Variants in MACROD2 observed in about 807,000 individuals in gnomAD.
The protein encoded by MACROD2 is ADP-ribose glycohydrolase MACROD2.
MACROD2 carries 36 observed loss-of-function variants against 70.4 expected under a neutral mutation model. The observed-to-expected ratio is 0.51, with a 90% CI of 0.39 to 0.68. The LOEUF is 0.68. Ranked by LOEUF, MACROD2 falls within the 30% of genes least tolerant of loss-of-function variation. The probability of loss-of-function intolerance (pLI) is 0.00; values close to 1 mark genes in which losing one functional copy is unlikely to be tolerated. For missense variants in MACROD2, 496 were observed against 538.4 expected (o/e 0.92, Z 0.78); for synonymous variants, 172 against 178.8 (o/e 0.96, Z 0.30).
intron 8 of MACROD2, among the ~76,000 whole-genome samples, chr20:15,748,445 C>T (rs1224455366): frequency 6.6e-6 from 1 of 151,564 alleles, no homozygotes; most frequent in Non-Finnish European, 1.5e-5. Context: ...CCACAGAAAA[C>T]TTCTCTATTA....
At chr20:15,484,714 G>A (rs1003365360) in intron 7 of MACROD2, among the ~76,000 whole-genome samples, 1 of 152,126 alleles carries the variant, frequency 6.6e-6, no homozygotes, top group Non-Finnish European at 1.5e-5. Flanking sequence ...TGAGAACCTG[G>A]TCCAGCTCCT....
At chr20:16,033,337 C>T (rs1161453227) in intron 15 of MACROD2, among the ~76,000 whole-genome samples, 15 of 152,042 alleles carry the variant, frequency 9.9e-5, no homozygotes, top group Non-Finnish European at 4.4e-5. Flanking sequence ...AGTGCTTTCT[C>T]CTCTGAGATT....
chr20:15,724,435 G>T (rs2050832070), intron 8 of MACROD2, among the ~76,000 whole-genome samples: 2 of 151,722 alleles, frequency 1.3e-5, no homozygotes, highest in South Asian at 4.2e-4. Context: ...TCCATTTGGA[G>T]TAAATTTTTG....
At chr20:14,862,788 C>A (rs1193694243) in intron 5 of MACROD2, among the ~76,000 whole-genome samples, 1 of 140,382 alleles carries the variant, frequency 7.1e-6, no homozygotes. Context: ...TTTTGTCTAA[C>A]AGGAAACCCA....
At chr20:14,666,474 C>T (rs1282303817) in intron 4 of MACROD2, among the ~76,000 whole-genome samples, 1 of 152,066 alleles carries the variant, frequency 6.6e-6, no homozygotes, top group Non-Finnish European at 1.5e-5. Context: ...TCCTTACCAT[C>T]CCTCATTTAC....
chr20:15,699,888 G>A (rs779859371), intron 8 of MACROD2, among the ~76,000 whole-genome samples: 1 of 152,110 alleles, frequency 6.6e-6, no homozygotes, highest in Non-Finnish European at 1.5e-5. Context: ...GTGCCAGGCA[G>A]GAATGGGCTG....
chr20:15,399,133 T>G (rs1271684312), intron 6 of MACROD2, among the ~76,000 whole-genome samples: 1 of 152,050 alleles, frequency 6.6e-6, no homozygotes, highest in African/African-American at 2.4e-5. Flanking sequence ...CCCTTTGACT[T>G]CCCCAAGCAG....
intron 5 of MACROD2, among the ~76,000 whole-genome samples, chr20:15,000,942 T>C (rs1056764584): frequency 6.6e-6 from 1 of 152,218 alleles, no homozygotes; most frequent in African/African-American, 2.4e-5. Context: ...ATCTGTGTAC[T>C]GCAAAACAAT....
chr20:15,688,856 G>A (rs897081315), intron 8 of MACROD2, among the ~76,000 whole-genome samples: 2 of 152,216 alleles, frequency 1.3e-5, no homozygotes, highest in Non-Finnish European at 2.9e-5. Context: ...AACGTAAGGT[G>A]AAATCTTAAC....
At position 14,205,143 on chromosome 20, in the gene MACROD2, T is replaced by C. The variant is rs141955259; in HGVS notation, c.271+119415T>C. Among the ~76,000 whole-genome samples the C allele has an allele frequency of 4.9e-3, 751 of 152,320 alleles. 3 individuals carry two copies. The highest frequency in any genetic ancestry group is 0.017 in the African/African-American group (706 of 41,564). On this transcript the variant is annotated intron_variant, in intron 3 of 17. Transcript: ENST00000684519. Reference sequence around the variant, plus strand: ...GGAACAGGAATCTGTATTGTGGCATTATTTATTTCTCTGGTGCCCATAGAA... The same window carrying C: ...GGAACAGGAATCTGTATTGTGGCATCATTTATTTCTCTGGTGCCCATAGAA...
At chr20:15,557,910 C>T (rs2048189901) in intron 8 of MACROD2, among the ~76,000 whole-genome samples, 1 of 152,148 alleles carries the variant, frequency 6.6e-6, no homozygotes, top group African/African-American at 2.4e-5. Context: ...CAACTTCCCC[C>T]TCATAAAGAC....
chr20:15,182,999 T>C (rs899383927), intron 5 of MACROD2, among the ~76,000 whole-genome samples: 20 of 152,180 alleles, frequency 1.3e-4, no homozygotes, highest in African/African-American at 4.8e-4. Flanking sequence ...GTTGTAAAAT[T>C]GTAACTGCTT....
rs142092873 is a variant in MACROD2 at position 15,021,279 on chromosome 20, C to T, written c.419-208661C>T. Among the ~76,000 whole-genome samples the T allele has an allele frequency of 6.4e-4, 69 of 108,222 alleles. 6 individuals carry two copies. The highest frequency in any genetic ancestry group is 1.1e-3 in the Non-Finnish European group (49 of 44,938). 71.0% of individuals were successfully genotyped at this position (108,222 alleles called of 152,430 possible). A position where few individuals can be genotyped will look rare whatever the true frequency, so the allele number is the denominator to read the frequency against. ...ACACACACCTGTGTGTGTGTATACG[C>T]ACACCTGTGTGTGTGTATATGCACA... On this transcript the variant is annotated intron_variant, in intron 5 of 17. Transcript: ENST00000684519.
chr20:14,221,149 A>C (rs1317118554), intron 3 of MACROD2, among the ~76,000 whole-genome samples: 1 of 152,218 alleles, frequency 6.6e-6, no homozygotes, highest in Non-Finnish European at 1.5e-5. Flanking sequence ...CCAAGCCACA[A>C]CAGTAACTTC....
intron 5 of MACROD2, among the ~76,000 whole-genome samples, chr20:15,031,298 C>A (rs2075272357): frequency 6.6e-6 from 1 of 152,230 alleles, no homozygotes; most frequent in Non-Finnish European, 1.5e-5. Flanking sequence ...CAAAGGGCTG[C>A]AGCTCTTCTC....
intron 6 of MACROD2, among the ~76,000 whole-genome samples, chr20:15,315,337 A>G (rs1252934985): frequency 3.9e-5 from 6 of 152,344 alleles, no homozygotes; most frequent in African/African-American, 1.2e-4. Flanking sequence ...ATCCACACAT[A>G]TAAGAAGCTC....
chr20:15,642,453 A>G (rs2049474554), intron 8 of MACROD2, among the ~76,000 whole-genome samples: 1 of 152,022 alleles, frequency 6.6e-6, no homozygotes, highest in African/African-American at 2.4e-5. Flanking sequence ...ATGGTACACT[A>G]TCAATTACCC....
intron 3 of MACROD2, among the ~76,000 whole-genome samples, chr20:14,225,490 AAT>A (rs1483104661): frequency 5.3e-5 from 8 of 152,230 alleles, no homozygotes; most frequent in African/African-American, 1.9e-4. Flanking sequence ...TAGCTTTTCA[AAT>A]ATGATTCTCA....
chr20:14,745,813 G>A (rs960233806), intron 5 of MACROD2, among the ~76,000 whole-genome samples: 3 of 152,104 alleles, frequency 2.0e-5, no homozygotes, highest in Non-Finnish European at 4.4e-5. Flanking sequence ...CCTTCAGTCA[G>A]GTGGTTGAAG....
Sources: gnomAD v4.1 joint callset for allele counts (sites outside exome capture counted in the v4.1 genomes callset) on GRCh38, gnomAD v4.1.1 for gene constraint, MANE v1.5 for transcripts, NCBI Gene and HGNC (gene_info 2026-07-23, HGNC 2026-07-21) for gene names.